Variants in DNAH8 observed in about 807,000 individuals in gnomAD.
DNAH8 encodes dynein axonemal heavy chain 8.
DNAH8 carries 382 observed loss-of-function variants against 562.1 expected under a neutral mutation model. That is an observed-to-expected ratio of 0.68 (90% CI 0.63 to 0.74). DNAH8 has a LOEUF of 0.74. DNAH8 is among the 30% of genes least tolerant of loss of function. DNAH8 has a pLI of 0.00. For missense variants in DNAH8, 5,203 were observed against 5,620.4 expected (o/e 0.93, Z 2.37); for synonymous variants, 1,881 against 1,919.4 (o/e 0.98, Z 0.52).
intron 76 of DNAH8, among the ~76,000 whole-genome samples, chr6:38,932,216 A>ACACACACACCCC (rs375631180): frequency 1.4e-5 from 2 of 145,640 alleles, no homozygotes; most frequent in African/African-American, 2.7e-5. Context: ...ACACACACAC[A>ACACACACACCCC]CCCGTCTCTT....
At chr6:38,882,657 G>A (rs1197322063) in intron 53 of DNAH8, among the ~76,000 whole-genome samples, 1 of 152,086 alleles carries the variant, frequency 6.6e-6, no homozygotes, top group Non-Finnish European at 1.5e-5. Flanking sequence ...ACAAACCCCT[G>A]TATATCTAAC....
intron 32 of DNAH8, 35 bp from the exon 33 acceptor site, chr6:38,837,907 T>A (rs1435235944): frequency 7.2e-7 from 1 of 1,382,298 alleles, no homozygotes; most frequent in Admixed American, 1.8e-5. Context: ...CTGAATTAAT[T>A]GTATTTTAGT....
At chr6:39,027,451 C>T (rs1767371452) in intron 92 of DNAH8, among the ~76,000 whole-genome samples, 1 of 152,224 alleles carries the variant, frequency 6.6e-6, no homozygotes, top group Non-Finnish European at 1.5e-5. Context: ...CACTGATCTG[C>T]TCAATGAATG....
chr6:38,796,842 C>G (rs1346634536), intron 21 of DNAH8, among the ~76,000 whole-genome samples: 2 of 152,136 alleles, frequency 1.3e-5, no homozygotes, highest in Non-Finnish European at 2.9e-5. Flanking sequence ...AAGCCCTTTC[C>G]CTCCACAACT....
intron 12 of DNAH8, among the ~76,000 whole-genome samples, chr6:38,773,930 A>G (rs929622169): frequency 1.1e-4 from 16 of 152,296 alleles, no homozygotes; most frequent in Middle Eastern, 3.4e-3. Flanking sequence ...AGGGCAGACA[A>G]GACTGATGTT....
At chr6:38,895,121 T>C (rs1779591856) in intron 59 of DNAH8, among the ~76,000 whole-genome samples, 1 of 152,050 alleles carries the variant, frequency 6.6e-6, no homozygotes, top group African/African-American at 2.4e-5. Context: ...GTATTTTTAG[T>C]AGAGATGGGG....
At position 38,857,504 on chromosome 6, in the gene DNAH8, T is replaced by C; in HGVS notation, c.5734-14T>C. On this transcript the variant is annotated splice_polypyrimidine_tract_variant and intron_variant, in intron 41 of 92. Coordinates refer to ENST00000327475, the MANE Select transcript of DNAH8 (RefSeq NM_001206927.2). ...TATTTGGCAAATTTTAATATTTTTC[T>C]GCTGGATCTGTAGGTTGGACTTCTG... 1 of 1,566,008 alleles carries C rather than the reference T, an allele frequency of 6.4e-7. No homozygotes were observed. Among genetic ancestry groups the C allele is most frequent in the Non-Finnish European group, 8.7e-7 (1 of 1,149,058 alleles).
At chr6:38,927,144 A>G (rs1030186885) in intron 74 of DNAH8, among the ~76,000 whole-genome samples, 1 of 152,258 alleles carries the variant, frequency 6.6e-6, no homozygotes, top group African/African-American at 2.4e-5. Context: ...TTATAGAAAA[A>G]AAGAACCAGG....
In DNAH8 at chr6:38,860,627, T is replaced by C. The variant is rs1301938853; in HGVS notation, c.6129T>C (p.Asp2043=). The change falls in exon 43 of 93, where the codon GAT becomes GAC. Residue 2043 remains aspartate, a splice_region_variant and synonymous_variant. Transcript: ENST00000327475. ...TDRLVITPLT[D]RCYITLAQAL... is the part of the protein sequence containing the mutation. ...GTCTTGTTATCACTCCATTAACAGA[T>C]AGGTAGGAAACCCAGTTTTCGTTTT... 1 of 1,516,768 alleles carries C rather than the reference T, an allele frequency of 6.6e-7. No individual in the cohort carries two copies. The highest frequency in any genetic ancestry group is 1.4e-5 in the South Asian group (1 of 72,184). 94.0% of individuals were successfully genotyped at this position (1,516,768 alleles called of 1,614,324 possible). A position where few individuals can be genotyped will look rare whatever the true frequency, so the allele number is the denominator to read the frequency against.
At chr6:38,845,028 ATATGTTACTTTTATTTTC>A (rs554347260) in intron 35 of DNAH8, among the ~76,000 whole-genome samples, 137 of 152,264 alleles carry the variant, frequency 9.0e-4, no homozygotes, top group Non-Finnish European at 1.7e-3. Flanking sequence ...TGTGGGGAAA[ATATGTTACTTTTATTTTC>A]TTTCGTGAGT....
At chr6:38,870,638 T>C in intron 49 of DNAH8, 76 bp downstream of exon 49, 1 of 1,366,654 alleles carries the variant, frequency 7.3e-7, no homozygotes, top group Non-Finnish European at 1.0e-6. Flanking sequence ...GAAAAACTCA[T>C]AGTTAGTCTT....
intron 82 of DNAH8, among the ~76,000 whole-genome samples, chr6:38,959,640 A>G (rs1255545232): frequency 1.3e-5 from 2 of 152,154 alleles, no homozygotes; most frequent in Non-Finnish European, 2.9e-5. Context: ...ATGGAAAGAC[A>G]TCTTGTGTTA....
chr6:38,804,692 A>T (rs1477929926), intron 22 of DNAH8, among the ~76,000 whole-genome samples: 2 of 151,566 alleles, frequency 1.3e-5, no homozygotes, highest in African/African-American at 4.9e-5. Context: ...AATCTGTGGG[A>T]AGCTGGCTTT....
chr6:38,771,631 A>C (rs765317370), intron 12 of DNAH8, among the ~76,000 whole-genome samples: 1 of 152,192 alleles, frequency 6.6e-6, no homozygotes, highest in Non-Finnish European at 1.5e-5. Flanking sequence ...CTTTATATAA[A>C]TGAAATCATA....
At chr6:38,955,632 AAAAT>A (rs567766999) in intron 82 of DNAH8, among the ~76,000 whole-genome samples, 5 of 152,124 alleles carry the variant, frequency 3.3e-5, no homozygotes, top group African/African-American at 4.8e-5. Context: ...CTCCATCTCA[AAAAT>A]AAATAAATAA....
chr6:38,805,651 A>G, intron 23 of DNAH8, 55 bp downstream of exon 23: 1 of 1,002,800 alleles, frequency 1.0e-6, no homozygotes, highest in Non-Finnish European at 1.5e-6. Context: ...TTATAGGATT[A>G]TAGATAACCC....
chr6:38,775,854 A>G lies in DNAH8; in HGVS notation c.1865A>G (p.Gln622Arg). 1 of 1,609,456 alleles carries G rather than the reference A, an allele frequency of 6.2e-7. No individual in the cohort carries two copies. Among genetic ancestry groups the G allele is most frequent in the Non-Finnish European group, 8.5e-7 (1 of 1,175,928 alleles). Reference protein sequence around the residue: ...IMAIKFRNIYQGVKKKQYDIL... With the variant: ...IMAIKFRNIYRGVKKKQYDIL... Reference sequence around the variant, plus strand: ...GCAATAAAATTCAGAAATATATACCAAGGGGTTAAGAAAAAGCAATATGAC... The same window carrying G: ...GCAATAAAATTCAGAAATATATACCGAGGGGTTAAGAAAAAGCAATATGAC... Residue 622 changes from glutamine to arginine, a missense_variant, in exon 13 of 93, where the codon CAA (glutamine) becomes CGA (arginine). Physicochemically the swap from Gln to Arg is conservative, Grantham distance 43. Transcript: ENST00000327475.
At chr6:38,758,585 G>GA (rs1766160982) in intron 10 of DNAH8, among the ~76,000 whole-genome samples, 1 of 151,840 alleles carries the variant, frequency 6.6e-6, no homozygotes, top group Non-Finnish European at 1.5e-5. Flanking sequence ...AGTGGTGAGA[G>GA]AGGGCATCCC....
intron 38 of DNAH8, among the ~76,000 whole-genome samples, 194 bp from the exon 39 acceptor site, chr6:38,851,378 T>G (rs1456595164): frequency 6.6e-6 from 1 of 152,226 alleles, no homozygotes; most frequent in East Asian, 1.9e-4. Flanking sequence ...TCTGAATCTC[T>G]TGTTTTCCCA....
Sources: gnomAD v4.1 joint callset for allele counts (sites outside exome capture counted in the v4.1 genomes callset) on GRCh38, gnomAD v4.1.1 for gene constraint, MANE v1.5 for transcripts, NCBI Gene and HGNC (gene_info 2026-07-23, HGNC 2026-07-21) for gene names.